Variants in ZNF207 observed in about 807,000 individuals in gnomAD.
The protein encoded by ZNF207 is BUB3-interacting and GLEBS motif-containing protein ZNF207.
ZNF207 carries 24 observed loss-of-function variants against 60.2 expected under a neutral mutation model. That is an observed-to-expected ratio of 0.40 (90% CI 0.29 to 0.56). ZNF207 has a LOEUF of 0.56. Among genes scored for constraint, ZNF207 ranks in the 20% least tolerant of loss-of-function variants. The pLI is 0.49. For missense variants in ZNF207, 452 were observed against 636.6 expected, an observed-to-expected ratio of 0.71 and a Z score of 3.12; for synonymous variants, 236 against 194.7, an observed-to-expected ratio of 1.21 and a Z score of -1.77.
rs944934074 is a variant in ZNF207, at chr17:32,372,305, A to G, written c.*2546A>G. 2.6e-5 allele frequency: 4 copies of G among 152,230 alleles called. No homozygotes were observed. Among genetic ancestry groups the G allele is most frequent in the Non-Finnish European group, 5.9e-5 (4 of 68,046 alleles). The allele number at this position is 152,230 out of a possible 1,614,324, so 9.4% of individuals were successfully genotyped here. ...ACAGATTGAGACTCCGTCTCAAAAA[A>G]AAAAAATGCTGTGATTAAATTTAGA... On this transcript the variant is annotated 3_prime_UTR_variant, in exon 12 of 12. Coordinates refer to ENST00000394670, the MANE Select transcript of ZNF207 (RefSeq NM_001098507.2).
rs915523921 is a variant in ZNF207, at chr17:32,369,227, T to C, written c.1165-68T>C. 4 of 1,548,814 alleles carry C rather than the reference T, an allele frequency of 2.6e-6. No homozygotes were observed. The African/African-American group carries it at 5.5e-5, about 21-fold the overall frequency. Reference sequence around the variant, plus strand: ...ACTCTTAACGTTGTAAGATTTTAGATGCATGCCTTTATGCTTGGTGAGCCT... The same window carrying C: ...ACTCTTAACGTTGTAAGATTTTAGACGCATGCCTTTATGCTTGGTGAGCCT... On this transcript the variant is annotated intron_variant, in intron 10 of 11. Coordinates refer to ENST00000394670, the MANE Select transcript of ZNF207 (RefSeq NM_001098507.2).
rs1372611403 is a variant in ZNF207, at chr17:32,380,345, GCATAAAGATTAAATTGGAA to G, written c.*10591_*10609del. On this transcript the variant is annotated 3_prime_UTR_variant, in exon 12 of 12. Coordinates refer to ENST00000394670, the MANE Select transcript of ZNF207 (RefSeq NM_001098507.2). ...ATTAACATTTTTTACAAATTTGCCT[GCATAAAGATTAAATTGGAA>G]CATACCTTACTCCTTTGTCTGGTTT... 1 of 152,340 alleles carries G rather than the reference GCATAAAGATTAAATTGGAA, an allele frequency of 6.6e-6. No homozygotes were observed. The highest frequency in any genetic ancestry group is 1.5e-5 in the Non-Finnish European group (1 of 68,022). The allele number at this position is 152,340 out of a possible 1,614,324, so 9.4% of individuals were successfully genotyped here.
chr17:32,357,351 A>ATTTTTT lies in ZNF207; in HGVS notation c.169-1142_169-1137dup, dbSNP rs1164011891. On this transcript the variant is annotated intron_variant, in intron 2 of 11. Coordinates refer to ENST00000394670, the MANE Select transcript of ZNF207 (RefSeq NM_001098507.2). ...TATTATTATTATTATTATTATTATTATTTTTTTTTTTTTTTGAGACAGAAT... is the reference window on the plus strand; with the variant it reads ...TATTATTATTATTATTATTATTATTATTTTTTTTTTTTTTTTTTTTTGAGACAGAAT... Among the ~76,000 whole-genome samples the ATTTTTT allele has an allele frequency of 4.4e-3, 324 of 73,962 alleles. 4 individuals carry two copies. The highest frequency in any genetic ancestry group is 0.017 in the African/African-American group (298 of 17,740). The allele number at this position is 73,962 out of a possible 152,430, so 48.5% of individuals were successfully genotyped here.
At chr17:32,368,613 C>T (rs922285372) in intron 10 of ZNF207, among the ~76,000 whole-genome samples, 1 of 151,164 alleles carries the variant, frequency 6.6e-6, no homozygotes, top group African/African-American at 2.4e-5. Context: ...ATCAGTTGAA[C>T]TTGGGAGGCG....
chr17:32,350,368 C>T (rs562685009), intron 1 of ZNF207, 42 bp downstream of exon 1: 1 of 1,613,132 alleles, frequency 6.2e-7, no homozygotes, highest in Non-Finnish European at 8.5e-7. Context: ...GTTGGGGTGC[C>T]GGTTGTTGGG....
chr17:32,352,905 G>A (rs1330276216), intron 2 of ZNF207, among the ~76,000 whole-genome samples: 1 of 152,190 alleles, frequency 6.6e-6, no homozygotes, highest in Non-Finnish European at 1.5e-5. Flanking sequence ...GGCTGGGCGC[G>A]GTGGCTCACG....
intron 2 of ZNF207, among the ~76,000 whole-genome samples, chr17:32,357,839 A>G (rs9915115): frequency 0.61 from 92,157 of 151,372 alleles, 29,092 homozygotes; most frequent in African/African-American, 0.71. Context: ...TCTCCCTCTC[A>G]CGCAGGCTGG....
Position 32,369,594 on chromosome 17 carries a change from T to G in ZNF207, c.1325-5T>G. The G allele has an allele frequency of 6.4e-7, 1 of 1,562,880 alleles. No individual in the cohort carries two copies. On this transcript the variant is annotated splice_region_variant and splice_polypyrimidine_tract_variant and intron_variant, in intron 11 of 11. Transcript: ENST00000394670. ...TTTTTTTGTGTTTGAAATTCTTGATTTTAGGTCAGTATGGTGGTCATCATC... is the reference window on the plus strand; with the variant it reads ...TTTTTTTGTGTTTGAAATTCTTGATGTTAGGTCAGTATGGTGGTCATCATC...
chr17:32,367,239 TTATATATATATATATATATATATATA>T lies in ZNF207; in HGVS notation c.921+503_922-487del, dbSNP rs10525886. Among the ~76,000 whole-genome samples, 81 of 32,188 alleles carry T rather than the reference TTATATATATATATATATATATATATA, an allele frequency of 2.5e-3. 4 individuals carry two copies. Among genetic ancestry groups the T allele is most frequent in the East Asian group, 0.022 (18 of 802 alleles). 21.1% of individuals were successfully genotyped at this position (32,188 alleles called of 152,430 possible). A position where few individuals can be genotyped will look rare whatever the true frequency, so the allele number is the denominator to read the frequency against. The stretch of plus-strand genomic sequence containing the variant: ...CCAGCCATTGTTAATTTGGAGGGGA[TTATATATATATATATATATATATATA>T]TATATATATATATATATATAAAGAA... On this transcript the variant is annotated intron_variant, in intron 9 of 11. Coordinates refer to ENST00000394670, the MANE Select transcript of ZNF207 (RefSeq NM_001098507.2).
At chr17:32,366,810 C>T in intron 9 of ZNF207, 53 bp downstream of exon 9, 1 of 1,448,146 alleles carries the variant, frequency 6.9e-7, no homozygotes. Flanking sequence ...TAACTTAACC[C>T]TTTGGACCCT....
Position 32,358,546 on chromosome 17 carries a change from G to A in ZNF207, c.212G>A (p.Gly71Glu), listed in dbSNP as rs1471434763. 1 of 1,570,208 alleles carries A rather than the reference G, an allele frequency of 6.4e-7. No homozygotes were observed. Among genetic ancestry groups the A allele is most frequent in the East Asian group, 2.4e-5 (1 of 41,988 alleles). ...TIDAVPNAIP[G>E]RTDIELEIYG... ...GATGCCGTACCAAATGCAATACCTG[G>A]AAGAACAGACATAGAGTTGGAAATA... The change falls in exon 3 of 12, where the codon GGA (glycine) becomes GAA (glutamate). Residue 71 changes from glycine to glutamate, a missense_variant. Gly to Glu is a moderately conservative substitution (Grantham distance 98). Coordinates refer to ENST00000394670, the MANE Select transcript of ZNF207 (RefSeq NM_001098507.2).
intron 5 of ZNF207, 145 bp from the exon 6 acceptor site, chr17:32,361,323 A>G (rs947619154): frequency 3.3e-6 from 2 of 614,730 alleles, no homozygotes; most frequent in Admixed American, 6.9e-5. Context: ...TTATTTGTCA[A>G]AGCATCAAAA....
chr17:32,366,730 T>C lies in ZNF207; in HGVS notation c.894T>C (p.Ser298=), dbSNP rs1597788468. The change falls in exon 9 of 12, where the codon TCT becomes TCC. Residue 298 remains serine, a synonymous_variant. Coordinates refer to ENST00000394670, the MANE Select transcript of ZNF207 (RefSeq NM_001098507.2). The stretch of plus-strand genomic sequence containing the variant: ...ATTCAGAAAGTCTGTCTGCATCTTC[T>C]AAAGCTCTGTTTCCTAGCACAGCAC... The part of the protein sequence containing the change: ...SSNSESLSAS[S]KALFPSTAQA... 1 of 1,611,282 alleles carries C rather than the reference T, an allele frequency of 6.2e-7. No homozygotes were observed. The highest frequency in any genetic ancestry group is 1.1e-5 in the South Asian group (1 of 90,594).
chr17:32,353,079 C>G (rs1412882832), intron 2 of ZNF207, among the ~76,000 whole-genome samples: 1 of 152,102 alleles, frequency 6.6e-6, no homozygotes, highest in Non-Finnish European at 1.5e-5. Context: ...GAGGCTGAGG[C>G]AAGAGAATCA....
chr17:32,364,301 G>A (rs1905053685), intron 7 of ZNF207, among the ~76,000 whole-genome samples: 1 of 151,938 alleles, frequency 6.6e-6, no homozygotes, highest in African/African-American at 2.4e-5. Context: ...TACAGCACAA[G>A]GAAAGGGATT....
rs1567833614 is a variant in ZNF207 at position 32,378,096 on chromosome 17, C to T, written c.*8337C>T. On this transcript the variant is annotated 3_prime_UTR_variant, in exon 12 of 12. Coordinates refer to ENST00000394670, the MANE Select transcript of ZNF207 (RefSeq NM_001098507.2). ...AATGTTAGTATAACTAATAATAGAT[C>T]CATTGGACACTTTAAACACTCAGTA... 1 of 152,472 alleles carries T rather than the reference C, an allele frequency of 6.6e-6. No homozygotes were observed. Among genetic ancestry groups the T allele is most frequent in the African/African-American group, 2.4e-5 (1 of 41,516 alleles). The allele number at this position is 152,472 out of a possible 1,614,324, so 9.4% of individuals were successfully genotyped here.
intron 7 of ZNF207, 129 bp downstream of exon 7, chr17:32,363,113 T>C: frequency 3.0e-6 from 2 of 665,230 alleles, no homozygotes; most frequent in South Asian, 4.9e-5. Flanking sequence ...GTGAGAAGTG[T>C]TATATGGACC....
In ZNF207 at chr17:32,380,444, G is replaced by C. The variant is rs1905838188; in HGVS notation, c.*10685G>C. On this transcript the variant is annotated 3_prime_UTR_variant, in exon 12 of 12. Transcript: ENST00000394670. ...ATTTTATATTTCAAGCTTTTTGCAGGGTAGAAATAAGTGGCTGTTAAAGAA... is the reference window on the plus strand; with the variant it reads ...ATTTTATATTTCAAGCTTTTTGCAGCGTAGAAATAAGTGGCTGTTAAAGAA... The C allele has an allele frequency of 6.6e-6, 1 of 152,006 alleles. No individual in the cohort carries two copies. The highest frequency in any genetic ancestry group is 2.4e-5 in the African/African-American group (1 of 41,374). 9.4% of individuals were successfully genotyped at this position (152,006 alleles called of 1,614,324 possible).
rs1905886390 is a variant in ZNF207, at chr17:32,381,466, C to T, written c.*11707C>T. The T allele has an allele frequency of 6.6e-6, 1 of 152,112 alleles. No individual in the cohort carries two copies. Among genetic ancestry groups the T allele is most frequent in the Admixed American group, 6.5e-5 (1 of 15,282 alleles). 9.4% of individuals were successfully genotyped at this position (152,112 alleles called of 1,614,324 possible). A position where few individuals can be genotyped will look rare whatever the true frequency, so the allele number is the denominator to read the frequency against. On this transcript the variant is annotated 3_prime_UTR_variant, in exon 12 of 12. Coordinates refer to ENST00000394670, the MANE Select transcript of ZNF207 (RefSeq NM_001098507.2). ...GCATCTTGTCACTTTGATTTGTCAC[C>T]TGGTTAAATAGCTGGAAGCTTGTGC...
Sources: allele counts gnomAD v4.1 joint callset (sites outside exome capture counted in the v4.1 genomes callset), GRCh38; gene constraint gnomAD v4.1.1; transcripts MANE v1.5; gene names NCBI Gene and HGNC (gene_info 2026-07-23, HGNC 2026-07-21).